DDX42: variants seen among roughly 807,000 people sequenced by gnomAD.
DDX42 encodes the protein DEAD-box helicase 42.
DDX42 carries 22 observed loss-of-function variants against 101.5 expected under a neutral mutation model. The ratio of observed to expected loss-of-function variants is 0.22; its 90% CI spans 0.15 to 0.31. The LOEUF (loss-of-function observed/expected upper bound fraction) is 0.31. Ranked by LOEUF, DDX42 falls within the 10% of genes least tolerant of loss-of-function variation. The pLI, the probability that DDX42 is intolerant of heterozygous loss-of-function variation, is 1.00. For synonymous variants in DDX42, 402 were observed against 401.2 expected, an observed-to-expected ratio of 1.00 and a Z score of -0.02; for missense variants, 849 against 1,199.9, an observed-to-expected ratio of 0.71 and a Z score of 4.32.
chr17:63,800,278 T>A (rs1347592217), intron 5 of DDX42, 190 bp from the exon 6 acceptor site: 1 of 562,036 alleles, frequency 1.8e-6, no homozygotes, highest in African/African-American at 2.0e-5. Context: ...ACTAACTGTT[T>A]AATTCATTTC....
intron 1 of DDX42, among the ~76,000 whole-genome samples, chr17:63,776,823 G>A (rs922620171): frequency 6.6e-6 from 1 of 152,116 alleles, no homozygotes; most frequent in Non-Finnish European, 1.5e-5. Flanking sequence ...TAACTTCCCT[G>A]AGGTTCATAT....
chr17:63,810,680 T>C, intron 12 of DDX42, 120 bp downstream of exon 12: 1 of 956,068 alleles, frequency 1.0e-6, no homozygotes, highest in South Asian at 1.4e-5. Context: ...AGAACCATAA[T>C]AAGGGAGGTA....
chr17:63,781,543 T>G (rs1391310690), intron 1 of DDX42, among the ~76,000 whole-genome samples: 1 of 151,970 alleles, frequency 6.6e-6, no homozygotes, highest in Non-Finnish European at 1.5e-5. Context: ...TTACCTAACT[T>G]CTCTTTAGTT....
intron 3 of DDX42, 26 bp downstream of exon 3, chr17:63,792,588 A>G (rs1351594439): frequency 3.1e-6 from 5 of 1,596,546 alleles, no homozygotes; most frequent in Non-Finnish European, 4.3e-6. Context: ...TTTCATTAAA[A>G]TATTTAGCAG....
Position 63,817,553 on chromosome 17 carries a change from T to C in DDX42, c.2113-141T>C, listed in dbSNP as rs533835809. 154 of 754,986 alleles carry C rather than the reference T, an allele frequency of 2.0e-4. No homozygotes were observed. In the African/African-American group the frequency reaches 2.3e-3, roughly 11 times the overall value. 46.8% of individuals were successfully genotyped at this position (754,986 alleles called of 1,614,324 possible). Reference sequence around the variant, plus strand: ...TATAGCACAAGAACAAAAGGGACCATACTGTGGGGCCATCAGGACACTAAA... The same window carrying C: ...TATAGCACAAGAACAAAAGGGACCACACTGTGGGGCCATCAGGACACTAAA... On this transcript the variant is annotated intron_variant, in intron 17 of 17. Coordinates refer to ENST00000389924, the MANE Select transcript of DDX42 (RefSeq NM_203499.3).
intron 1 of DDX42, among the ~76,000 whole-genome samples, chr17:63,779,967 C>T (rs549088181): frequency 1.3e-5 from 2 of 152,140 alleles, no homozygotes; most frequent in South Asian, 2.1e-4. Context: ...CTGTGATTGT[C>T]AAGGTTCAGT....
intron 2 of DDX42, among the ~76,000 whole-genome samples, chr17:63,791,005 G>A (rs183323239): frequency 6.6e-6 from 1 of 152,322 alleles, no homozygotes; most frequent in East Asian, 1.9e-4. Flanking sequence ...ACATTAGTGT[G>A]TATATATATG....
intron 17 of DDX42, chr17:63,817,211 C>A: frequency 2.1e-6 from 1 of 478,938 alleles, no homozygotes; most frequent in Non-Finnish European, 3.7e-6. Flanking sequence ...TGTCCTGCAG[C>A]AGGGTGTGTG....
At chr17:63,813,157 A>G in intron 14 of DDX42, 71 bp from the exon 15 acceptor site, 4 of 1,404,070 alleles carry the variant, frequency 2.8e-6, no homozygotes, top group Middle Eastern at 4.6e-4. Flanking sequence ...TATTAGCACT[A>G]GCATTTCTGG....
intron 3 of DDX42, among the ~76,000 whole-genome samples, chr17:63,794,743 G>A (rs1242899337): frequency 1.3e-5 from 2 of 151,532 alleles, no homozygotes; most frequent in Non-Finnish European, 1.5e-5. Flanking sequence ...GACCAGCCTG[G>A]CCAACATGGT....
At chr17:63,785,349 C>A (rs1445861749) in intron 1 of DDX42, among the ~76,000 whole-genome samples, 3 of 152,126 alleles carry the variant, frequency 2.0e-5, no homozygotes, top group African/African-American at 7.2e-5. Flanking sequence ...ACCCAGGAGG[C>A]TGAGGCATGA....
rs762115039 is a variant in DDX42, at chr17:63,817,931, G to T, written c.2350G>T (p.Ala784Ser). 2 of 1,614,192 alleles carry T rather than the reference G, an allele frequency of 1.2e-6. No homozygotes were observed. The highest frequency in any genetic ancestry group is 1.7e-6 in the Non-Finnish European group (2 of 1,180,030). ...GAPVTYPSAG[A>S]QGVNNTASGN... ...CCCTGTGACCTACCCGTCTGCCGGAGCCCAAGGAGTCAACAACACAGCTTC... is the reference window on the plus strand; with the variant it reads ...CCCTGTGACCTACCCGTCTGCCGGATCCCAAGGAGTCAACAACACAGCTTC... Residue 784 changes from alanine (A) to serine (S), a missense_variant, in exon 18 of 18, where the codon GCC becomes TCC. Around this residue, in one of 5 missense-constraint regions of DDX42, gnomAD observed 300 missense variants for 304.9 expected, o/e 0.98. Coordinates refer to ENST00000389924, the MANE Select transcript of DDX42 (RefSeq NM_203499.3).
At chr17:63,800,678 A>G in intron 6 of DDX42, 61 bp downstream of exon 6, 1 of 1,579,146 alleles carries the variant, frequency 6.3e-7, no homozygotes, top group African/African-American at 1.3e-5. Flanking sequence ...TTCAGCTTTA[A>G]CATTTAGATT....
intron 1 of DDX42, among the ~76,000 whole-genome samples, 195 bp from the exon 2 acceptor site, chr17:63,786,839 G>C (rs559308629): frequency 2.0e-5 from 3 of 152,118 alleles, no homozygotes; most frequent in African/African-American, 7.2e-5. Flanking sequence ...CACCACGCCC[G>C]GCCAATTTTT....
intron 1 of DDX42, among the ~76,000 whole-genome samples, chr17:63,786,274 G>T (rs964806143): frequency 1.3e-5 from 2 of 152,090 alleles, no homozygotes; most frequent in African/African-American, 2.4e-5. Flanking sequence ...ATTTCACTAT[G>T]TTGCCCAGGC....
chr17:63,796,089 G>A (rs972983650), intron 3 of DDX42, among the ~76,000 whole-genome samples: 3 of 152,244 alleles, frequency 2.0e-5, no homozygotes, highest in African/African-American at 7.2e-5. Flanking sequence ...TCTTGTATGC[G>A]TTGTTTTCTT....
chr17:63,809,491 T>C (rs892374190), intron 10 of DDX42, 69 bp from the exon 11 acceptor site: 4 of 1,285,200 alleles, frequency 3.1e-6, no homozygotes, highest in African/African-American at 2.9e-5. Flanking sequence ...TTGCCAGGAG[T>C]GCAACTGCTT....
chr17:63,794,850 C>G (rs2039673266), intron 3 of DDX42, among the ~76,000 whole-genome samples: 1 of 150,592 alleles, frequency 6.6e-6, no homozygotes, highest in Non-Finnish European at 1.5e-5. Flanking sequence ...GCAGGAGAAT[C>G]GCTTGAACCT....
rs2039642487 is a variant in DDX42, at chr17:63,792,658, CTTA to C, written c.372+102_372+104del. 6 of 1,326,758 alleles carry C rather than the reference CTTA, an allele frequency of 4.5e-6. No individual in the cohort carries two copies. The South Asian group carries it at 1.0e-4, about 23-fold the overall frequency. 82.2% of individuals were successfully genotyped at this position (1,326,758 alleles called of 1,614,324 possible). A position where few individuals can be genotyped will look rare whatever the true frequency, so the allele number is the denominator to read the frequency against. On this transcript the variant is annotated intron_variant, in intron 3 of 17. Transcript: ENST00000389924. Reference sequence around the variant, plus strand: ...TCTTATTCAAAATTTGTTTTCTAGTCTTATTATTTTTTTTTTTTTGAGAATTTT... The same window carrying C: ...TCTTATTCAAAATTTGTTTTCTAGTCTTATTTTTTTTTTTTTGAGAATTTT...
Sources: allele counts gnomAD v4.1 joint callset (sites outside exome capture counted in the v4.1 genomes callset), GRCh38; gene constraint gnomAD v4.1.1; regional missense constraint gnomAD v4.1.1; transcripts MANE v1.5; gene names NCBI Gene and HGNC (gene_info 2026-07-23, HGNC 2026-07-21).